CDH13: variants seen among roughly 807,000 people sequenced by gnomAD.
CDH13 encodes the protein cadherin-13.
Under a neutral mutation model 63.8 loss-of-function variants are expected in CDH13, and 24 were observed. That is an observed-to-expected ratio of 0.38 (90% CI 0.27 to 0.53). CDH13 has a LOEUF of 0.53. Ranked by LOEUF, CDH13 falls within the 20% of genes least tolerant of loss-of-function variation. The pLI is 0.85. For missense variants in CDH13, 1,049 were observed against 903.1 expected, an observed-to-expected ratio of 1.16 and a Z score of -2.07; for synonymous variants, 503 against 355.3, an observed-to-expected ratio of 1.42 and a Z score of -4.67.
intron 2 of CDH13, among the ~76,000 whole-genome samples, chr16:83,024,972 C>A (rs1243832439): frequency 6.6e-6 from 1 of 152,148 alleles, no homozygotes; most frequent in East Asian, 1.9e-4. Flanking sequence ...CCTGTAGTAA[C>A]CATTTCCATG....
intron 5 of CDH13, among the ~76,000 whole-genome samples, chr16:83,251,267 G>T (rs1905495178): frequency 6.6e-6 from 1 of 152,150 alleles, no homozygotes; most frequent in Non-Finnish European, 1.5e-5. Context: ...AAAATAGAAA[G>T]TGTAATGAGA....
intron 1 of CDH13, among the ~76,000 whole-genome samples, chr16:82,678,319 C>CTTTTTTTTTT (rs11369498): frequency 6.9e-6 from 1 of 144,776 alleles, no homozygotes. Flanking sequence ...ACAGAAAAAA[C>CTTTTTTTTTT]TTTTTTTTTT....
At chr16:82,913,488 C>A (rs1049518314) in intron 2 of CDH13, among the ~76,000 whole-genome samples, 5 of 152,152 alleles carry the variant, frequency 3.3e-5, no homozygotes, top group Non-Finnish European at 5.9e-5. Context: ...GAAATCCAGG[C>A]CACAACTATT....
chr16:83,111,785 C>T (rs1225616519), intron 3 of CDH13, among the ~76,000 whole-genome samples: 1 of 152,144 alleles, frequency 6.6e-6, no homozygotes, highest in Non-Finnish European at 1.5e-5. Context: ...AAACCAACTC[C>T]TCTCTATTTC....
chr16:83,610,582 T>C (rs57241250), intron 8 of CDH13, among the ~76,000 whole-genome samples: 19,301 of 152,236 alleles, frequency 0.13, 1,642 homozygotes, highest in East Asian at 0.22. Context: ...TTTTACCTTA[T>C]TTATATAAAT....
chr16:83,735,337 A>C (rs747441162), intron 10 of CDH13: 18 of 152,130 alleles, frequency 1.2e-4, no homozygotes, highest in Non-Finnish European at 2.1e-4. Flanking sequence ...TTGTAAATCC[A>C]CTGTCCTTTC....
chr16:83,718,210 A>C (rs191929061), intron 10 of CDH13, among the ~76,000 whole-genome samples: 1 of 152,180 alleles, frequency 6.6e-6, no homozygotes, highest in Non-Finnish European at 1.5e-5. Context: ...AGCCACCACT[A>C]TGCGTACAGG....
chr16:82,956,115 G>T (rs1906055108), intron 2 of CDH13, among the ~76,000 whole-genome samples: 1 of 151,590 alleles, frequency 6.6e-6, no homozygotes, highest in Admixed American at 6.6e-5. Flanking sequence ...TCCAGTGTAT[G>T]CTTTCTATTT....
chr16:82,654,317 AGCATCAGCTTTAG>A (rs1911060590), intron 1 of CDH13, among the ~76,000 whole-genome samples: 1 of 152,172 alleles, frequency 6.6e-6, no homozygotes, highest in Non-Finnish European at 1.5e-5. Context: ...CAACTCTCAT[AGCATCAGCTTTAG>A]GGCATCCCCA....
intron 4 of CDH13, among the ~76,000 whole-genome samples, chr16:83,201,857 G>A (rs2039042362): frequency 6.6e-6 from 1 of 152,104 alleles, no homozygotes; most frequent in South Asian, 2.1e-4. Context: ...AGAGCTTCCA[G>A]TGAGCTGAGA....
intron 6 of CDH13, among the ~76,000 whole-genome samples, chr16:83,353,284 G>A (rs2090992876): frequency 6.6e-6 from 1 of 152,244 alleles, no homozygotes; most frequent in Admixed American, 6.5e-5. Context: ...GTCCTCTGGT[G>A]ATATCTCACA....
At chr16:83,726,826 A>G (rs1234091392) in intron 10 of CDH13, among the ~76,000 whole-genome samples, 1 of 84,910 alleles carries the variant, frequency 1.2e-5, no homozygotes, top group African/African-American at 4.6e-5. Context: ...GCGACAGAGC[A>G]AGACTCTGTC....
chr16:83,037,272 C>G (rs1394251250), intron 3 of CDH13, among the ~76,000 whole-genome samples: 2 of 152,170 alleles, frequency 1.3e-5, no homozygotes, highest in African/African-American at 2.4e-5. Context: ...ATTACCCCTT[C>G]CTGCAGATAT....
At chr16:83,009,638 A>C (rs1202362662) in intron 2 of CDH13, among the ~76,000 whole-genome samples, 1 of 152,214 alleles carries the variant, frequency 6.6e-6, no homozygotes, top group Non-Finnish European at 1.5e-5. Context: ...CTGCATATTT[A>C]ATAGCTGTTC....
At chr16:83,687,838 A>G (rs1475183671) in intron 10 of CDH13, among the ~76,000 whole-genome samples, 1 of 152,222 alleles carries the variant, frequency 6.6e-6, no homozygotes, top group African/African-American at 2.4e-5. Context: ...CGAAGCCTTG[A>G]TCCAAATTGA....
At chr16:82,919,034 T>C (rs74657740) in intron 2 of CDH13, among the ~76,000 whole-genome samples, 3,208 of 152,340 alleles carry the variant, frequency 0.021, 60 homozygotes, top group Non-Finnish European at 0.026. Flanking sequence ...TTTAGTAAAA[T>C]ACAAGTAATG....
chr16:82,936,998 A>G lies in CDH13; in HGVS notation c.157+78525A>G, dbSNP rs1306351495. Among the ~76,000 whole-genome samples, 6 of 152,134 alleles carry G rather than the reference A, an allele frequency of 3.9e-5. 1 individual carries two copies. The highest frequency in any genetic ancestry group is 3.9e-4 in the Admixed American group (6 of 15,276). On this transcript the variant is annotated intron_variant, in intron 2 of 13. Transcript: ENST00000567109. ...TGTGACCTCAGCACGACATCAGCAC[A>G]ACCAAAACAAACCACAGGCTGGTGT...
chr16:82,815,452 G>C (rs1444142836), intron 1 of CDH13, among the ~76,000 whole-genome samples: 2 of 152,170 alleles, frequency 1.3e-5, no homozygotes, highest in African/African-American at 4.8e-5. Flanking sequence ...AGGATTACAC[G>C]AGCTGGTAGT....
At chr16:83,660,709 G>C (rs528082065) in intron 8 of CDH13, among the ~76,000 whole-genome samples, 1 of 152,212 alleles carries the variant, frequency 6.6e-6, no homozygotes, top group Non-Finnish European at 1.5e-5. Flanking sequence ...CTATGTTATT[G>C]TTTCTTGAAA....
Sources: gnomAD v4.1 joint callset for allele counts (sites outside exome capture counted in the v4.1 genomes callset) on GRCh38, gnomAD v4.1.1 for gene constraint, MANE v1.5 for transcripts, NCBI Gene and HGNC (gene_info 2026-07-23, HGNC 2026-07-21) for gene names.